Variants in TMEM163 observed in about 807,000 individuals in gnomAD.
TMEM163 encodes transmembrane protein 163.
In TMEM163, 17 loss-of-function variants were observed where a neutral mutation model predicts 29.3. The ratio of observed to expected loss-of-function variants is 0.58; its 90% CI spans 0.40 to 0.87. TMEM163 has a LOEUF of 0.87. TMEM163 is among the 40% of genes least tolerant of loss of function. The pLI is 0.00. For missense variants in TMEM163, 303 were observed against 381.5 expected, an observed-to-expected ratio of 0.79 and a Z score of 1.71; for synonymous variants, 157 against 160.6, an observed-to-expected ratio of 0.98 and a Z score of 0.17.
chr2:134,529,709 C>G (rs1680378184), intron 4 of TMEM163, among the ~76,000 whole-genome samples: 1 of 151,862 alleles, frequency 6.6e-6, no homozygotes, highest in South Asian at 2.1e-4. Flanking sequence ...GCCAAGATCT[C>G]CCCGGCGATC....
rs138823312 is a variant in TMEM163 at position 134,543,544 on chromosome 2, A to G, written c.458+7026T>C. ...CGGGGAGAGACATGATACTGTTTTA[A>G]TATGTTCTTGGTATAACTCATTGCC... On this transcript the variant is annotated intron_variant, in intron 4 of 7. Transcript: ENST00000281924. 3.3e-3 allele frequency among the ~76,000 whole-genome samples: 502 copies of G among 152,308 alleles called. 6 individuals carry two copies. Among genetic ancestry groups the G allele is most frequent in the African/African-American group, 0.012 (484 of 41,568 alleles).
intron 2 of TMEM163, among the ~76,000 whole-genome samples, chr2:134,669,097 C>T (rs1349251100): frequency 6.6e-6 from 1 of 152,212 alleles, no homozygotes; most frequent in African/African-American, 2.4e-5. Context: ...CCCTCACTTC[C>T]AAAGAACAGG....
chr2:134,683,462 A>G (rs1203390981), intron 2 of TMEM163, among the ~76,000 whole-genome samples: 1 of 152,142 alleles, frequency 6.6e-6, no homozygotes, highest in Admixed American at 6.5e-5. Context: ...GGAAACCTAA[A>G]CTAAACTCAT....
chr2:134,527,868 G>A (rs1266720033), intron 4 of TMEM163, among the ~76,000 whole-genome samples: 1 of 152,094 alleles, frequency 6.6e-6, no homozygotes, highest in Non-Finnish European at 1.5e-5. Context: ...TTAGATATAG[G>A]TCCAAAATGG....
intron 4 of TMEM163, among the ~76,000 whole-genome samples, chr2:134,517,024 C>G (rs1298892519): frequency 6.6e-6 from 1 of 152,038 alleles, no homozygotes; most frequent in Non-Finnish European, 1.5e-5. Flanking sequence ...CTTCACAACT[C>G]CTTATCATGC....
intron 2 of TMEM163, among the ~76,000 whole-genome samples, chr2:134,606,929 T>C (rs1682384550): frequency 6.8e-6 from 1 of 147,618 alleles, no homozygotes; most frequent in African/African-American, 2.7e-5. Context: ...CCGAGAACTG[T>C]GCTGGTGAAA....
At chr2:134,634,190 T>C (rs535440970) in intron 2 of TMEM163, among the ~76,000 whole-genome samples, 131 of 151,800 alleles carry the variant, frequency 8.6e-4, no homozygotes, top group Non-Finnish European at 1.6e-3. Context: ...AAAGCCTGTG[T>C]GCCTCAAAGC....
chr2:134,593,219 G>A (rs1479852750), intron 2 of TMEM163, among the ~76,000 whole-genome samples: 1 of 152,174 alleles, frequency 6.6e-6, no homozygotes, highest in Non-Finnish European at 1.5e-5. Flanking sequence ...GACAGGGAGG[G>A]AAGGGGGAGA....
chr2:134,594,716 A>C (rs1682023098), intron 2 of TMEM163, among the ~76,000 whole-genome samples: 1 of 152,216 alleles, frequency 6.6e-6, no homozygotes, highest in Non-Finnish European at 1.5e-5. Flanking sequence ...CAGCAAGTAA[A>C]TATCATTTCA....
At chr2:134,522,725 C>T (rs561608877) in intron 4 of TMEM163, among the ~76,000 whole-genome samples, 2 of 152,224 alleles carry the variant, frequency 1.3e-5, no homozygotes, top group South Asian at 2.1e-4. Context: ...ATTTATTATT[C>T]CTGCCATGAT....
intron 2 of TMEM163, among the ~76,000 whole-genome samples, chr2:134,609,942 G>C (rs953869133): frequency 6.6e-6 from 1 of 152,130 alleles, no homozygotes; most frequent in East Asian, 1.9e-4. Context: ...GCTGAGGAAA[G>C]GTTTTACGAG....
intron 2 of TMEM163, among the ~76,000 whole-genome samples, chr2:134,615,568 C>G (rs985795043): frequency 2.6e-5 from 4 of 151,390 alleles, no homozygotes; most frequent in African/African-American, 7.3e-5. Flanking sequence ...ATCAGTTCAG[C>G]TTATATAATT....
chr2:134,531,140 G>T (rs1680407407), intron 4 of TMEM163, among the ~76,000 whole-genome samples: 1 of 152,142 alleles, frequency 6.6e-6, no homozygotes, highest in Non-Finnish European at 1.5e-5. Flanking sequence ...TCCTAAATGT[G>T]TCCCTAAGGA....
At chr2:134,715,700 C>A (rs773985879) in intron 1 of TMEM163, among the ~76,000 whole-genome samples, 2 of 152,204 alleles carry the variant, frequency 1.3e-5, no homozygotes, top group African/African-American at 4.8e-5. Flanking sequence ...TGCAGGCACA[C>A]TCACAAGTTA....
At chr2:134,474,776 T>C (rs895987618) in intron 5 of TMEM163, among the ~76,000 whole-genome samples, 10 of 152,154 alleles carry the variant, frequency 6.6e-5, no homozygotes, top group African/African-American at 2.4e-4. Flanking sequence ...ACAAAAATAC[T>C]AAATACTCAG....
At chr2:134,642,080 A>T (rs894901875) in intron 2 of TMEM163, among the ~76,000 whole-genome samples, 3 of 152,182 alleles carry the variant, frequency 2.0e-5, no homozygotes, top group African/African-American at 7.2e-5. Flanking sequence ...AAACACATGA[A>T]AAAAGAACTG....
At chr2:134,546,515 A>G (rs1267759241) in intron 4 of TMEM163, among the ~76,000 whole-genome samples, 1 of 152,122 alleles carries the variant, frequency 6.6e-6, no homozygotes, top group Non-Finnish European at 1.5e-5. Context: ...CCCATGGCGG[A>G]CGCCTGTAGT....
At chr2:134,475,801 A>G (rs1314681371) in intron 5 of TMEM163, among the ~76,000 whole-genome samples, 4 of 152,162 alleles carry the variant, frequency 2.6e-5, no homozygotes, top group Non-Finnish European at 5.9e-5. Flanking sequence ...TACTCATTAG[A>G]ATCACCAAAA....
intron 4 of TMEM163, among the ~76,000 whole-genome samples, chr2:134,545,578 C>T (rs1037005290): frequency 1.3e-5 from 2 of 152,114 alleles, no homozygotes; most frequent in Admixed American, 6.6e-5. Flanking sequence ...CTTCCCTGCA[C>T]TCACTGACGA....
Sources: gnomAD v4.1 joint callset for allele counts (sites outside exome capture counted in the v4.1 genomes callset) on GRCh38, gnomAD v4.1.1 for gene constraint, MANE v1.5 for transcripts, NCBI Gene and HGNC (gene_info 2026-07-23, HGNC 2026-07-21) for gene names.